Variants in LRP1B observed in about 807,000 individuals in gnomAD.
The protein encoded by LRP1B is LDL receptor related protein 1B.
Under a neutral mutation model 556.6 loss-of-function variants are expected in LRP1B, and 217 were observed. The ratio of observed to expected loss-of-function variants is 0.39; its 90% confidence interval spans 0.35 to 0.44. The LOEUF is 0.44. Ranked by LOEUF, LRP1B falls within the 20% of genes least tolerant of loss-of-function variation. The pLI is 1.00. For synonymous variants in LRP1B, 2,047 were observed against 1,865.8 expected, an observed-to-expected ratio of 1.10 and a Z score of -2.50; for missense variants, 5,053 against 5,620.8, an observed-to-expected ratio of 0.90 and a Z score of 3.23.
intron 43 of LRP1B, among the ~76,000 whole-genome samples, chr2:140,567,548 C>A (rs1681171424): frequency 1.3e-5 from 2 of 152,188 alleles, no homozygotes. Context: ...GTCTCAGAGT[C>A]ATAGATCCTG....
At chr2:140,894,684 T>TA (rs1443050798) in intron 23 of LRP1B, among the ~76,000 whole-genome samples, 1 of 151,998 alleles carries the variant, frequency 6.6e-6, no homozygotes, top group Non-Finnish European at 1.5e-5. Flanking sequence ...CACGGACGCT[T>TA]ACACCTGTAA....
intron 77 of LRP1B, among the ~76,000 whole-genome samples, chr2:140,346,442 T>C (rs1244286396): frequency 1.3e-5 from 2 of 151,900 alleles, no homozygotes; most frequent in Non-Finnish European, 2.9e-5. Flanking sequence ...AATATTATTA[T>C]TGAGTACCTG....
intron 22 of LRP1B, among the ~76,000 whole-genome samples, chr2:140,904,115 G>A (rs1457949879): frequency 2.0e-5 from 3 of 151,914 alleles, no homozygotes; most frequent in Non-Finnish European, 4.4e-5. Context: ...ACCTAACATT[G>A]AGTAACAAGT....
At chr2:140,658,087 AGTT>A (rs1684955770) in intron 41 of LRP1B, among the ~76,000 whole-genome samples, 2 of 152,150 alleles carry the variant, frequency 1.3e-5, no homozygotes, top group South Asian at 4.1e-4. Context: ...TTCAAAATTT[AGTT>A]TTTTATACTT....
chr2:140,317,297 G>T (rs1314242212), intron 82 of LRP1B, among the ~76,000 whole-genome samples: 1 of 152,044 alleles, frequency 6.6e-6, no homozygotes, highest in African/African-American at 2.4e-5. Flanking sequence ...TCAGAACTTC[G>T]TATACATTAT....
At chr2:141,653,270 G>A (rs1689867788) in intron 2 of LRP1B, among the ~76,000 whole-genome samples, 1 of 152,112 alleles carries the variant, frequency 6.6e-6, no homozygotes. Flanking sequence ...GTAGTTTAGA[G>A]GATTCATTAG....
At chr2:141,432,460 A>G (rs1680597281) in intron 3 of LRP1B, among the ~76,000 whole-genome samples, 1 of 152,040 alleles carries the variant, frequency 6.6e-6, no homozygotes, top group Non-Finnish European at 1.5e-5. Flanking sequence ...AATAGAATGA[A>G]TTAGGCAGTG....
chr2:141,396,303 A>C (rs1377016165), intron 3 of LRP1B, among the ~76,000 whole-genome samples: 1 of 152,192 alleles, frequency 6.6e-6, no homozygotes, highest in African/African-American at 2.4e-5. Context: ...TATGAAAAAG[A>C]ATACATTGTT....
chr2:141,069,365 T>C (rs1374810849), intron 7 of LRP1B, among the ~76,000 whole-genome samples: 2 of 152,086 alleles, frequency 1.3e-5, no homozygotes, highest in African/African-American at 2.4e-5. Flanking sequence ...ATTTTTATTA[T>C]TGATTTATTT....
intron 3 of LRP1B, among the ~76,000 whole-genome samples, chr2:141,409,761 T>A (rs1166995908): frequency 6.6e-6 from 1 of 152,022 alleles, no homozygotes; most frequent in African/African-American, 2.4e-5. Flanking sequence ...AATTATATGA[T>A]TAAAAATAAT....
chr2:141,869,169 A>T (rs902868441), intron 1 of LRP1B, among the ~76,000 whole-genome samples: 1 of 152,130 alleles, frequency 6.6e-6, no homozygotes, highest in African/African-American at 2.4e-5. Context: ...ATGTGCAATG[A>T]TGAAAATGTT....
At chr2:141,213,117 A>ATTTTTTT (rs551951254) in intron 6 of LRP1B, among the ~76,000 whole-genome samples, 8 of 140,282 alleles carry the variant, frequency 5.7e-5, no homozygotes, top group African/African-American at 1.8e-4. Context: ...CAGCTAATTA[A>ATTTTTTT]TTTTTTTTTT....
intron 86 of LRP1B, among the ~76,000 whole-genome samples, chr2:140,251,353 A>C (rs965319477): frequency 5.9e-5 from 9 of 151,888 alleles, no homozygotes; most frequent in Non-Finnish European, 1.0e-4. Flanking sequence ...GATATAAAAA[A>C]CTGAAGGTAT....
intron 7 of LRP1B, among the ~76,000 whole-genome samples, chr2:141,098,802 C>T (rs1024766579): frequency 1.3e-5 from 2 of 152,268 alleles, no homozygotes; most frequent in Non-Finnish European, 1.5e-5. Flanking sequence ...GGATTACAGG[C>T]ATGTGCCACC....
intron 21 of LRP1B, among the ~76,000 whole-genome samples, chr2:140,921,533 C>A (rs1310673000): frequency 6.6e-6 from 1 of 151,930 alleles, no homozygotes; most frequent in African/African-American, 2.4e-5. Flanking sequence ...ATCAATAATT[C>A]ATTCATTTTA....
chr2:140,942,655 A>T (rs1301081708), intron 20 of LRP1B, among the ~76,000 whole-genome samples: 1 of 152,040 alleles, frequency 6.6e-6, no homozygotes, highest in Non-Finnish European at 1.5e-5. Context: ...TATAAGAAAC[A>T]CCAAGCCAGA....
intron 1 of LRP1B, among the ~76,000 whole-genome samples, chr2:142,082,396 T>C (rs1011755405): frequency 6.6e-6 from 1 of 152,194 alleles, no homozygotes; most frequent in Non-Finnish European, 1.5e-5. Context: ...TACCAAGTAT[T>C]ATCATTGGGG....
intron 1 of LRP1B, among the ~76,000 whole-genome samples, chr2:141,865,726 T>G (rs1698393759): frequency 6.6e-6 from 1 of 152,178 alleles, no homozygotes; most frequent in South Asian, 2.1e-4. Flanking sequence ...ATATAAACTC[T>G]TCCATTTCAT....
At position 140,284,031 on chromosome 2, in the gene LRP1B, G is replaced by A. The variant is rs886922590; in HGVS notation, c.12968-9433C>T. Among the ~76,000 whole-genome samples the A allele has an allele frequency of 3.3e-5, 5 of 150,890 alleles. 1 individual carries two copies. Among genetic ancestry groups the A allele is most frequent in the South Asian group, 4.2e-4 (2 of 4,780 alleles). On this transcript the variant is annotated intron_variant, in intron 84 of 90. Coordinates refer to ENST00000389484, the MANE Select transcript of LRP1B (RefSeq NM_018557.3). ...CCTGAAAAAAGAATGGAAATGAAGCGTGCAAATATAGGCCACGCCTCCACA... is the reference window on the plus strand; with the variant it reads ...CCTGAAAAAAGAATGGAAATGAAGCATGCAAATATAGGCCACGCCTCCACA...
Sources: gnomAD v4.1 joint callset for allele counts (sites outside exome capture counted in the v4.1 genomes callset) on GRCh38, gnomAD v4.1.1 for gene constraint, MANE v1.5 for transcripts, NCBI Gene and HGNC (gene_info 2026-07-23, HGNC 2026-07-21) for gene names.